The following IL21R variants were observed in gnomAD, a reference collection of about 807,000 sequenced individuals.
The protein encoded by IL21R is interleukin 21 receptor, also known as interleukin-21 receptor.
IL21R carries 14 observed loss-of-function variants against 41.3 expected under a neutral mutation model. The ratio of observed to expected loss-of-function variants is 0.34; its 90% confidence interval spans 0.22 to 0.53. The LOEUF (loss-of-function observed/expected upper bound fraction) is 0.53, where lower values mean the gene tolerates loss of function less well. Among genes scored for constraint, IL21R ranks in the 20% least tolerant of loss-of-function variants. The pLI is 0.94. For missense variants in IL21R, 588 were observed against 681.6 expected (o/e 0.86, Z 1.53); for synonymous variants, 286 against 287.6 (o/e 0.99, Z 0.05).
intron 1 of IL21R, among the ~76,000 whole-genome samples, chr16:27,415,416 A>G (rs2086882340): frequency 6.6e-6 from 1 of 152,228 alleles, no homozygotes; most frequent in African/African-American, 2.4e-5. Flanking sequence ...AAAGAGGTAG[A>G]CGAGGTTCAG....
At position 27,448,720 on chromosome 16, in the gene IL21R, T is replaced by C; in HGVS notation, c.1054T>C (p.Trp352Arg). The C allele has an allele frequency of 6.2e-7, 1 of 1,613,346 alleles. No individual in the cohort carries two copies. Among genetic ancestry groups the C allele is most frequent in the Middle Eastern group, 1.6e-4 (1 of 6,062 alleles). ...ESDGVPKPSF[W>R]PTAQNSGGSA... ...TGACGGTGTGCCCAAGCCCAGCTTCTGGCCGACAGCCCAGAACTCGGGGGG... is the reference window on the plus strand; with the variant it reads ...TGACGGTGTGCCCAAGCCCAGCTTCCGGCCGACAGCCCAGAACTCGGGGGG... Residue 352 changes from tryptophan to arginine, a missense_variant, in exon 9 of 9, where the codon TGG becomes CGG. Coordinates refer to ENST00000337929, the MANE Select transcript of IL21R (RefSeq NM_181078.3).
chr16:27,443,146 G>A, intron 5 of IL21R, 30 bp downstream of exon 5: 1 of 1,571,062 alleles, frequency 6.4e-7, no homozygotes, highest in Non-Finnish European at 8.6e-7. Context: ...GTGCAGCTTT[G>A]TGGGAGGGGA....
intron 1 of IL21R, among the ~76,000 whole-genome samples, chr16:27,408,971 G>A (rs1326714383): frequency 1.3e-5 from 2 of 152,112 alleles, no homozygotes; most frequent in African/African-American, 4.8e-5. Context: ...GTACATGTCT[G>A]CTTGGGCACA....
intron 2 of IL21R, among the ~76,000 whole-genome samples, chr16:27,432,225 T>C (rs2087186774): frequency 6.6e-6 from 1 of 152,240 alleles, no homozygotes; most frequent in Non-Finnish European, 1.5e-5. Context: ...GTGATAGCCA[T>C]GTGCGGGCAG....
intron 1 of IL21R, among the ~76,000 whole-genome samples, chr16:27,406,156 G>C (rs2086742564): frequency 6.6e-6 from 1 of 152,276 alleles, no homozygotes; most frequent in African/African-American, 2.4e-5. Context: ...CCAGGGCCAG[G>C]GCGGGCTGAT....
At position 27,409,217 on chromosome 16, in the gene IL21R, TA is replaced by T. The variant is rs1307333478; in HGVS notation, c.-17+6600del. 1.2e-3 allele frequency among the ~76,000 whole-genome samples: 172 copies of T among 147,354 alleles called. 1 individual carries two copies. Among genetic ancestry groups the T allele is most frequent in the Non-Finnish European group, 2.1e-4 (14 of 66,862 alleles). ...ATATATGTTTATTATATATAATTTATATTTTATAAATATATATAATATTTAT... is the reference window on the plus strand; with the variant it reads ...ATATATGTTTATTATATATAATTTATTTTTATAAATATATATAATATTTAT... On this transcript the variant is annotated intron_variant, in intron 1 of 8. Coordinates refer to ENST00000337929, the MANE Select transcript of IL21R (RefSeq NM_181078.3).
At chr16:27,434,975 T>C (rs1313170469) in intron 3 of IL21R, among the ~76,000 whole-genome samples, 1 of 152,122 alleles carries the variant, frequency 6.6e-6, no homozygotes, top group African/African-American at 2.4e-5. Flanking sequence ...TTCAAAACCA[T>C]TTATAGGCCA....
chr16:27,437,626 C>A lies in IL21R; in HGVS notation c.291C>A (p.Asn97Lys). 6.2e-7 allele frequency: 1 copy of A among 1,614,260 alleles called. No individual in the cohort carries two copies. Residue 97 changes from asparagine to lysine, a missense_variant, in exon 4 of 9, where the codon AAC becomes AAA. Physicochemically the swap from Asn to Lys is moderately conservative, Grantham distance 94. Transcript: ENST00000337929. Reference sequence around the variant, plus strand: ...TGGCCGACGACATTTTCAGTGTCAACATCACAGACCAGTCTGGCAACTACT... The same window carrying A: ...TGGCCGACGACATTTTCAGTGTCAAAATCACAGACCAGTCTGGCAACTACT... ...HFMADDIFSV[N>K]ITDQSGNYSQ... is the part of the protein sequence containing the mutation.
intron 1 of IL21R, among the ~76,000 whole-genome samples, chr16:27,412,803 C>T (rs2086841773): frequency 6.6e-6 from 1 of 152,108 alleles, no homozygotes; most frequent in Non-Finnish European, 1.5e-5. Context: ...AAAAATGCAA[C>T]TGAGTTTTGA....
At position 27,449,576 on chromosome 16, in the gene IL21R, G is replaced by A. The variant is rs2285452; in HGVS notation, c.*293G>A. 110,748 of 474,030 alleles carry A rather than the reference G, an allele frequency of 0.23. 14,163 individuals carry two copies. The highest frequency in any genetic ancestry group is 0.38 in the African/African-American group (19,762 of 51,990). The allele number at this position is 474,030 out of a possible 1,614,324, so 29.4% of individuals were successfully genotyped here. ...TACTCCATGCATTCACCTGCCCTGT[G>A]CATGTCTGGACTCACGGAGCTCACC... On this transcript the variant is annotated 3_prime_UTR_variant, in exon 9 of 9. Coordinates refer to ENST00000337929, the MANE Select transcript of IL21R (RefSeq NM_181078.3).
At chr16:27,429,784 A>G (rs2087137787) in intron 1 of IL21R, among the ~76,000 whole-genome samples, 1 of 152,188 alleles carries the variant, frequency 6.6e-6, no homozygotes, top group Admixed American at 6.5e-5. Context: ...TAAAAATATT[A>G]AAATAAAATA....
At chr16:27,420,689 C>T (rs7184992) in intron 1 of IL21R, among the ~76,000 whole-genome samples, 53,633 of 152,064 alleles carry the variant, frequency 0.35, 9,865 homozygotes, top group East Asian at 0.51. Flanking sequence ...GAATTCTTTG[C>T]ATATTCTAAA....
Position 27,444,639 on chromosome 16 carries a change from C to A in IL21R, c.605C>A (p.Ala202Glu), listed in dbSNP as rs147673485. Reference sequence around the variant, plus strand: ...TCGAGCTATGAGCTGCAGGTGCGGGCAGGGCCCATGCCTGGCTCCTCCTAC... The same window carrying A: ...TCGAGCTATGAGCTGCAGGTGCGGGAAGGGCCCATGCCTGGCTCCTCCTAC... ...KDSSYELQVR[A>E]GPMPGSSYQG... Residue 202 changes from alanine to glutamate, a missense_variant, in exon 6 of 9, where the codon GCA becomes GAA. By Grantham distance (107) the Ala-to-Glu change is moderately radical. Transcript: ENST00000337929. 1.9e-6 allele frequency: 3 copies of A among 1,589,142 alleles called. No individual in the cohort carries two copies. In the East Asian group the frequency reaches 7.0e-5, roughly 37 times the overall value.
Position 27,413,034 on chromosome 16 carries a change from C to T in IL21R, c.-17+10416C>T, listed in dbSNP as rs150914473. ...AAATGGCAAGTGTGGGCATCCATGC[C>T]TTGTTCCTGATCTTAGAGGAAAAGG... On this transcript the variant is annotated intron_variant, in intron 1 of 8. Transcript: ENST00000337929. Among the ~76,000 whole-genome samples the T allele has an allele frequency of 6.6e-4, 101 of 152,228 alleles. 1 individual carries two copies. The highest frequency in any genetic ancestry group is 2.2e-3 in the African/African-American group (92 of 41,548).
At chr16:27,441,733 G>T (rs1335572979) in intron 4 of IL21R, among the ~76,000 whole-genome samples, 1 of 152,216 alleles carries the variant, frequency 6.6e-6, no homozygotes, top group African/African-American at 2.4e-5. Context: ...TATAGGCCAG[G>T]TGCAGTGGCT....
chr16:27,448,821 G>A lies in IL21R; in HGVS notation c.1155G>A (p.Glu385=), dbSNP rs760370365. 5 of 1,613,276 alleles carry A rather than the reference G, an allele frequency of 3.1e-6. No homozygotes were observed. Among genetic ancestry groups the A allele is most frequent in the Non-Finnish European group, 4.2e-6 (5 of 1,180,030 alleles). ...ACACAGTGACTGTGCTAGATGCAGA[G>A]GGGCCATGCACCTGGCCCTGCAGCT... ...SIDTVTVLDA[E]GPCTWPCSCE... is the part of the protein sequence containing the mutation. Residue 385 remains glutamate (E), a synonymous_variant, in exon 9 of 9, where the codon GAG becomes GAA. Coordinates refer to ENST00000337929, the MANE Select transcript of IL21R (RefSeq NM_181078.3).
chr16:27,424,369 G>T (rs557524192), intron 1 of IL21R, among the ~76,000 whole-genome samples: 30 of 152,158 alleles, frequency 2.0e-4, no homozygotes, highest in African/African-American at 7.0e-4. Context: ...CCACCACGTT[G>T]ACCATGAAGT....
At position 27,436,250 on chromosome 16, in the gene IL21R, T is replaced by C. The variant is rs570807443; in HGVS notation, c.153-1238T>C. 2.6e-5 allele frequency among the ~76,000 whole-genome samples: 4 copies of C among 152,344 alleles called. No homozygotes were observed. The South Asian group carries it at 8.3e-4, about 32-fold the overall frequency. On this transcript the variant is annotated intron_variant, in intron 3 of 8. Transcript: ENST00000337929. ...CCCCAAACAGGATACTTTCTAATAA[T>C]ACTGGGTGCTATATCAAGGACAGAA...
At chr16:27,440,248 T>TATATATATATATAGAGAGAGAGAGAG (rs1352160946) in intron 4 of IL21R, among the ~76,000 whole-genome samples, 4 of 64,036 alleles carry the variant, frequency 6.2e-5, no homozygotes, top group African/African-American at 8.8e-5. Flanking sequence ...TATATATATA[T>TATATATATATATAGAGAGAGAGAGAG]AGAGAGAGAG....
Sources: gnomAD v4.1 joint callset for allele counts (sites outside exome capture counted in the v4.1 genomes callset) on GRCh38, gnomAD v4.1.1 for gene constraint, MANE v1.5 for transcripts, NCBI Gene and HGNC (gene_info 2026-07-23, HGNC 2026-07-21) for gene names.